The following KCNN2 variants were observed in gnomAD, a reference collection of about 807,000 sequenced individuals.
KCNN2 encodes the protein potassium calcium-activated channel subfamily N member 2.
A neutral mutation model predicts 55.5 loss-of-function variants in KCNN2; 24 were observed. The ratio of observed to expected loss-of-function variants is 0.43; its 90% CI spans 0.31 to 0.61. The LOEUF (loss-of-function observed/expected upper bound fraction) is 0.61, where lower values mean the gene tolerates loss of function less well. KCNN2 is among the 20% of genes least tolerant of loss of function. KCNN2 has a pLI of 0.08. For synonymous variants in KCNN2, 431 were observed against 336.1 expected (o/e 1.28, Z -3.09); for missense variants, 754 against 853.6 (o/e 0.88, Z 1.45).
intron 2 of KCNN2, among the ~76,000 whole-genome samples, chr5:114,223,979 T>C (rs1754194222): frequency 6.6e-6 from 1 of 152,144 alleles, no homozygotes; most frequent in East Asian, 1.9e-4. Context: ...TTGGAACAAC[T>C]AGCTACTACC....
At chr5:114,405,739 C>T (rs1758911212) in intron 3 of KCNN2, among the ~76,000 whole-genome samples, 2 of 149,356 alleles carry the variant, frequency 1.3e-5, no homozygotes, top group Non-Finnish European at 3.0e-5. Context: ...GAGACGGAGT[C>T]TCGCTCTGTC....
chr5:114,345,374 A>G (rs746750975), intron 2 of KCNN2, among the ~76,000 whole-genome samples: 2 of 152,350 alleles, frequency 1.3e-5, no homozygotes, highest in Non-Finnish European at 2.9e-5. Flanking sequence ...ATGGCAATGG[A>G]GTAGGGACCT....
At chr5:114,149,923 T>A (rs1166019331) in intron 1 of KCNN2, among the ~76,000 whole-genome samples, 1 of 152,156 alleles carries the variant, frequency 6.6e-6, no homozygotes, top group Non-Finnish European at 1.5e-5. Context: ...AGCCCTGTCT[T>A]ATCCCTATGA....
At position 114,417,660 on chromosome 5, in the gene KCNN2, T is replaced by G. The variant is rs138026415; in HGVS notation, c.1637+12804T>G. Among the ~76,000 whole-genome samples the G allele has an allele frequency of 3.8e-3, 577 of 152,268 alleles. 3 individuals are homozygous for G. The highest frequency in any genetic ancestry group is 0.013 in the African/African-American group (559 of 41,548). On this transcript the variant is annotated intron_variant, in intron 3 of 7. Coordinates refer to ENST00000673685, the MANE Select transcript of KCNN2 (RefSeq NM_021614.4). ...GGTGCCACATTAGGCAGGTTTGATG[T>G]GGTCAGGAAAAGAACCAGGGGGACT...
intron 1 of KCNN2, among the ~76,000 whole-genome samples, chr5:114,077,777 A>C (rs928583789): frequency 2.0e-5 from 3 of 152,158 alleles, no homozygotes; most frequent in Non-Finnish European, 2.9e-5. Context: ...GTGTTTGAAA[A>C]TTGGAGAACA....
intron 2 of KCNN2, among the ~76,000 whole-genome samples, chr5:114,307,858 C>G (rs1242571494): frequency 6.6e-6 from 1 of 152,046 alleles, no homozygotes; most frequent in African/African-American, 2.4e-5. Flanking sequence ...GGACTGGATC[C>G]ATGGGTGCCT....
intron 3 of KCNN2, among the ~76,000 whole-genome samples, chr5:114,458,798 G>C (rs1192066453): frequency 6.6e-6 from 1 of 152,170 alleles, no homozygotes; most frequent in Non-Finnish European, 1.5e-5. Flanking sequence ...AGGGAATCTG[G>C]AGAAGGGGAC....
chr5:114,134,176 C>T (rs925101255), intron 1 of KCNN2, among the ~76,000 whole-genome samples: 17 of 151,628 alleles, frequency 1.1e-4, no homozygotes, highest in African/African-American at 3.9e-4. Flanking sequence ...TTTTTCTCTT[C>T]CCCTCTTTCT....
intron 2 of KCNN2, among the ~76,000 whole-genome samples, chr5:114,383,119 C>T (rs1758175592): frequency 6.6e-6 from 1 of 152,094 alleles, no homozygotes; most frequent in Non-Finnish European, 1.5e-5. Context: ...ATAACTTAAC[C>T]ATTCTGTGAC....
chr5:114,058,882 C>T (rs961538900), intron 1 of KCNN2, among the ~76,000 whole-genome samples: 1 of 152,160 alleles, frequency 6.6e-6, no homozygotes, highest in African/African-American at 2.4e-5. Flanking sequence ...AGGAGAGAAG[C>T]TGATGGCAGG....
At chr5:114,260,669 G>T (rs1260770625) in intron 2 of KCNN2, among the ~76,000 whole-genome samples, 1 of 152,214 alleles carries the variant, frequency 6.6e-6, no homozygotes, top group Non-Finnish European at 1.5e-5. Flanking sequence ...GGGAAGAAAA[G>T]AACTCTGTTT....
At chr5:114,273,803 G>A (rs867698407) in intron 2 of KCNN2, among the ~76,000 whole-genome samples, 2 of 152,150 alleles carry the variant, frequency 1.3e-5, no homozygotes, top group Non-Finnish European at 2.9e-5. Context: ...TAGGTTGCCT[G>A]TTCACTCTGG....
chr5:114,483,077 A>G lies in KCNN2; in HGVS notation c.1891-3973A>G, dbSNP rs78408651. Reference sequence around the variant, plus strand: ...AAAAAAAAAAAGTCTAGCAGCCTCAAGTGCTTTGGTGATCTGTAAAGTACT... The same window carrying G: ...AAAAAAAAAAAGTCTAGCAGCCTCAGGTGCTTTGGTGATCTGTAAAGTACT... On this transcript the variant is annotated intron_variant, in intron 5 of 7. Transcript: ENST00000673685. 7.0e-4 allele frequency among the ~76,000 whole-genome samples: 107 copies of G among 152,190 alleles called. No individual in the cohort carries two copies. In the East Asian group the frequency reaches 0.02, roughly 29 times the overall value.
intron 3 of KCNN2, among the ~76,000 whole-genome samples, chr5:114,406,975 T>C (rs1758956028): frequency 6.6e-6 from 1 of 152,200 alleles, no homozygotes. Flanking sequence ...CTTCAGAATA[T>C]TGAAGTATCC....
intron 2 of KCNN2, among the ~76,000 whole-genome samples, chr5:114,385,392 A>T (rs1489050474): frequency 2.0e-5 from 3 of 152,132 alleles, no homozygotes; most frequent in Non-Finnish European, 2.9e-5. Context: ...GGCATCATCA[A>T]TGCCTATAGT....
At position 114,362,279 on chromosome 5, in the gene KCNN2, C is replaced by T; in HGVS notation, c.140C>T (p.Pro47Leu). ...CCGCCCTTCGCGCCCCTCCCGCACC[C>T]TCACCACCACCCGCACCTCGCGCAC... is the stretch of plus-strand genomic sequence containing the variant. ...PCPPFAPLPH[P>L]HHHPHLAHQQ... The change falls in exon 1 of 8, where the codon CCT becomes CTT. Residue 47 changes from proline (P) to leucine (L), a missense_variant. Around this residue, in one of 4 missense-constraint regions of KCNN2, gnomAD observed 381 missense variants for 259.1 expected, o/e 1.47. Coordinates refer to ENST00000673685, the MANE Select transcript of KCNN2 (RefSeq NM_021614.4). 5.5e-6 allele frequency: 1 copy of T among 183,006 alleles called. No individual in the cohort carries two copies. Among genetic ancestry groups the T allele is most frequent in the Non-Finnish European group, 1.1e-5 (1 of 89,020 alleles). The allele number at this position is 183,006 out of a possible 1,614,324, so 11.3% of individuals were successfully genotyped here. A position where few individuals can be genotyped will look rare whatever the true frequency, so the allele number is the denominator to read the frequency against.
At chr5:114,379,446 T>G (rs1437401437) in intron 2 of KCNN2, among the ~76,000 whole-genome samples, 2 of 136,294 alleles carry the variant, frequency 1.5e-5, no homozygotes, top group Non-Finnish European at 3.2e-5. Context: ...TATTATATAT[T>G]TATAGAATAT....
At chr5:114,072,059 A>G (rs2721324) in intron 1 of KCNN2, among the ~76,000 whole-genome samples, 45,067 of 152,098 alleles carry the variant, frequency 0.3, 6,908 homozygotes, top group Middle Eastern at 0.38. Flanking sequence ...TTGGGAGGCC[A>G]AGGTGGGTGG....
chr5:114,288,925 T>C (rs1358546009), intron 2 of KCNN2, among the ~76,000 whole-genome samples: 1 of 152,172 alleles, frequency 6.6e-6, no homozygotes, highest in East Asian at 1.9e-4. Context: ...TCTAAGAATG[T>C]ATTGCCAAAA....
Sources: allele counts gnomAD v4.1 joint callset (sites outside exome capture counted in the v4.1 genomes callset), GRCh38; gene constraint gnomAD v4.1.1; regional missense constraint gnomAD v4.1.1; transcripts MANE v1.5; gene names NCBI Gene and HGNC (gene_info 2026-07-23, HGNC 2026-07-21).